Variants in BCL2 observed in about 807,000 individuals in gnomAD.
The protein encoded by BCL2 is apoptosis regulator Bcl-2.
A neutral mutation model predicts 14.2 loss-of-function variants in BCL2; 1 was observed. The observed-to-expected ratio is 0.07, with a 90% confidence interval of 0.02 to 0.33. The LOEUF is 0.33. Among genes scored for constraint, BCL2 ranks in the 10% least tolerant of loss-of-function variants. The probability of loss-of-function intolerance (pLI) is 0.99; values close to 1 mark genes in which losing one functional copy is unlikely to be tolerated. For synonymous variants in BCL2, 151 were observed against 137.2 expected, an observed-to-expected ratio of 1.10 and a Z score of -0.70; for missense variants, 247 against 305.9, an observed-to-expected ratio of 0.81 and a Z score of 1.44.
chr18:63,140,684 G>A (rs1568213877), intron 2 of BCL2, among the ~76,000 whole-genome samples: 1 of 152,128 alleles, frequency 6.6e-6, no homozygotes, highest in East Asian at 1.9e-4. Context: ...TGGGTACAGG[G>A]CTTCTTTTTG....
At chr18:63,247,899 C>T (rs1274347042) in intron 2 of BCL2, among the ~76,000 whole-genome samples, 1 of 152,174 alleles carries the variant, frequency 6.6e-6, no homozygotes, top group Non-Finnish European at 1.5e-5. Context: ...TAATTACTAA[C>T]CTTACATGCA....
chr18:63,212,053 T>C (rs1910023516), intron 2 of BCL2, among the ~76,000 whole-genome samples: 2 of 152,220 alleles, frequency 1.3e-5, no homozygotes, highest in African/African-American at 2.4e-5. Context: ...TTAGGTCAGG[T>C]GTGGTGGCTC....
rs147534787 is a variant in BCL2, at chr18:63,228,248, C to G, written c.585+89834G>C. Among the ~76,000 whole-genome samples, 71 of 152,324 alleles carry G rather than the reference C, an allele frequency of 4.7e-4. No individual in the cohort carries two copies. The East Asian group carries it at 0.011, about 23-fold the overall frequency. On this transcript the variant is annotated intron_variant, in intron 2 of 2. Coordinates refer to ENST00000333681, the MANE Select transcript of BCL2 (RefSeq NM_000633.3). Reference sequence around the variant, plus strand: ...TTTAATTACTTCCCAAAGGCCTCATCTCCAAATATTATCACATTAGAGGTT... The same window carrying G: ...TTTAATTACTTCCCAAAGGCCTCATGTCCAAATATTATCACATTAGAGGTT...
rs140093696 is a variant in BCL2, at chr18:63,128,463, T to TTGTG, written c.*158_*161dup. 2 of 496,220 alleles carry TTGTG rather than the reference T, an allele frequency of 4.0e-6. No individual in the cohort carries two copies. Among genetic ancestry groups the TTGTG allele is most frequent in the Admixed American group, 3.6e-5 (1 of 27,972 alleles). 30.7% of individuals were successfully genotyped at this position (496,220 alleles called of 1,614,324 possible). A position where few individuals can be genotyped will look rare whatever the true frequency, so the allele number is the denominator to read the frequency against. On this transcript the variant is annotated 3_prime_UTR_variant, in exon 3 of 3. Transcript: ENST00000333681. ...CGTTTTGCCTGAAGACTGTTAATTG[T>TTGTG]TGTGTGTGTGTGTGTCTGTCTGTGT...
intron 2 of BCL2, among the ~76,000 whole-genome samples, chr18:63,239,388 A>G (rs1233571274): frequency 6.6e-6 from 1 of 152,180 alleles, no homozygotes; most frequent in East Asian, 1.9e-4. Context: ...TCTGCATCCA[A>G]TTCGAGTTAA....
chr18:63,143,370 C>A lies in BCL2; in HGVS notation c.586-14611G>T, dbSNP rs182090250. ...CTGGCTGACCTGACCCAAGGACACG[C>A]TCTCACAGTGAAGCCAGTGAAGCTG... On this transcript the variant is annotated intron_variant, in intron 2 of 2. Transcript: ENST00000333681. 1.8e-3 allele frequency among the ~76,000 whole-genome samples: 267 copies of A among 152,342 alleles called. 1 individual carries two copies. The highest frequency in any genetic ancestry group is 3.3e-3 in the Admixed American group (50 of 15,304).
intron 2 of BCL2, among the ~76,000 whole-genome samples, chr18:63,155,683 C>T (rs561134103): frequency 6.6e-6 from 1 of 152,266 alleles, no homozygotes; most frequent in Non-Finnish European, 1.5e-5. Context: ...GAGGAACCGG[C>T]AATGCAGCGA....
chr18:63,146,086 T>C (rs1191510090), intron 2 of BCL2, among the ~76,000 whole-genome samples: 1 of 152,216 alleles, frequency 6.6e-6, no homozygotes, highest in East Asian at 1.9e-4. Context: ...TTTGCTTTCC[T>C]GTTCCCTCCT....
intron 2 of BCL2, among the ~76,000 whole-genome samples, chr18:63,198,649 TACAC>T (rs1313283120): frequency 3.4e-4 from 17 of 49,920 alleles, no homozygotes; most frequent in African/African-American, 1.3e-3. Flanking sequence ...CACACAGACA[TACAC>T]AGACACACAC....
intron 2 of BCL2, among the ~76,000 whole-genome samples, chr18:63,263,442 A>C (rs1911719796): frequency 6.6e-6 from 1 of 152,228 alleles, no homozygotes; most frequent in Non-Finnish European, 1.5e-5. Flanking sequence ...TATTTAATTA[A>C]GATGGGGGTG....
chr18:63,199,463 A>T (rs921719714), intron 2 of BCL2, among the ~76,000 whole-genome samples: 2 of 151,750 alleles, frequency 1.3e-5, no homozygotes, highest in East Asian at 3.9e-4. Context: ...ACACACGCAG[A>T]CAAATGCACA....
intron 2 of BCL2, among the ~76,000 whole-genome samples, chr18:63,216,837 A>G (rs1255771705): frequency 1.3e-5 from 2 of 152,374 alleles, no homozygotes; most frequent in Non-Finnish European, 2.9e-5. Context: ...TGCAGTCAAC[A>G]TAACAAATCT....
chr18:63,184,156 C>T (rs190835966), intron 2 of BCL2, among the ~76,000 whole-genome samples: 1 of 152,366 alleles, frequency 6.6e-6, no homozygotes, highest in Admixed American at 6.5e-5. Context: ...CCAACGCTGG[C>T]CTTGGCCATG....
At chr18:63,282,912 T>C (rs557246352) in intron 2 of BCL2, among the ~76,000 whole-genome samples, 21 of 152,338 alleles carry the variant, frequency 1.4e-4, no homozygotes, top group African/African-American at 4.3e-4. Flanking sequence ...TGTAAATTAC[T>C]GATCTGTACC....
intron 2 of BCL2, among the ~76,000 whole-genome samples, chr18:63,212,436 G>A (rs1389909238): frequency 6.6e-6 from 1 of 151,754 alleles, no homozygotes; most frequent in African/African-American, 2.4e-5. Context: ...AGGAAATTAT[G>A]ATGCATTTAA....
chr18:63,277,613 T>A (rs1274649812), intron 2 of BCL2, among the ~76,000 whole-genome samples: 1 of 148,316 alleles, frequency 6.7e-6, no homozygotes, highest in Admixed American at 6.8e-5. Context: ...TTAACCTTAG[T>A]AGATGACTAA....
chr18:63,179,577 A>C (rs1350835025), intron 2 of BCL2, among the ~76,000 whole-genome samples: 1 of 152,198 alleles, frequency 6.6e-6, no homozygotes, highest in Non-Finnish European at 1.5e-5. Flanking sequence ...GGTTCCCAGA[A>C]AGCCCTATGT....
intron 2 of BCL2, among the ~76,000 whole-genome samples, chr18:63,171,739 C>T (rs992684510): frequency 2.0e-5 from 3 of 152,176 alleles, no homozygotes; most frequent in Non-Finnish European, 4.4e-5. Flanking sequence ...ACTTGGGAGG[C>T]CAAAGCTGGA....
At position 63,271,921 on chromosome 18, in the gene BCL2, G is replaced by A. The variant is rs898970284; in HGVS notation, c.585+46161C>T. Among the ~76,000 whole-genome samples, 7 of 152,162 alleles carry A rather than the reference G, an allele frequency of 4.6e-5. No individual in the cohort carries two copies. In the South Asian group the frequency reaches 8.3e-4, roughly 18 times the overall value. The stretch of plus-strand genomic sequence containing the variant: ...TGATGAACCCCTGGTATGAACCACC[G>A]TGCAGGTACGTAAGAAGTTCCTCCT... On this transcript the variant is annotated intron_variant, in intron 2 of 2. Transcript: ENST00000333681.
Sources: gnomAD v4.1 joint callset for allele counts (sites outside exome capture counted in the v4.1 genomes callset) on GRCh38, gnomAD v4.1.1 for gene constraint, MANE v1.5 for transcripts, NCBI Gene and HGNC (gene_info 2026-07-23, HGNC 2026-07-21) for gene names.